Variants in SLC24A2 observed in about 807,000 individuals in gnomAD.
The protein encoded by SLC24A2 is solute carrier family 24 member 2.
SLC24A2 carries 36 observed loss-of-function variants against 62.0 expected under a neutral mutation model. That is an observed-to-expected ratio of 0.58 (90% CI 0.44 to 0.77). The LOEUF (loss-of-function observed/expected upper bound fraction) is 0.77, where lower values mean the gene tolerates loss of function less well. Among genes scored for constraint, SLC24A2 ranks in the 30% least tolerant of loss-of-function variants. The pLI, the probability that SLC24A2 is intolerant of heterozygous loss-of-function variation, is 0.00. For missense variants in SLC24A2, 846 were observed against 817.9 expected (o/e 1.03, Z -0.42); for synonymous variants, 358 against 294.0 (o/e 1.22, Z -2.23).
intron 2 of SLC24A2, among the ~76,000 whole-genome samples, chr9:19,652,469 G>C (rs1818829495): frequency 6.6e-6 from 1 of 152,156 alleles, no homozygotes; most frequent in African/African-American, 2.4e-5. Flanking sequence ...TAGAGAAAAA[G>C]GAGGTGTGAC....
At chr9:19,674,960 TC>T (rs752608430) in intron 2 of SLC24A2, among the ~76,000 whole-genome samples, 32 of 152,168 alleles carry the variant, frequency 2.1e-4, no homozygotes, top group Non-Finnish European at 4.1e-4. Flanking sequence ...GGATTGTTTT[TC>T]TGGTTCCTTC....
At chr9:19,578,900 T>C (rs1338776292) in intron 5 of SLC24A2, among the ~76,000 whole-genome samples, 1 of 152,176 alleles carries the variant, frequency 6.6e-6, no homozygotes, top group Non-Finnish European at 1.5e-5. Context: ...AAAGGCAATC[T>C]CTAGGCCATA....
chr9:20,221,512 A>G, the SLC24A2 span, among the ~76,000 whole-genome samples: 2 of 152,212 alleles, frequency 1.3e-5, no homozygotes, highest in Admixed American at 1.3e-4. Context: ...AAGGTATGAC[A>G]TAATAAGTTA....
chr9:19,964,386 A>AT, the SLC24A2 span, among the ~76,000 whole-genome samples: 223 of 152,108 alleles, frequency 1.5e-3, no homozygotes, highest in African/African-American at 3.2e-3. Flanking sequence ...AATAATAATA[A>AT]AAAAAGGAGT....
the SLC24A2 span, among the ~76,000 whole-genome samples, chr9:20,029,951 G>C: frequency 2.6e-5 from 4 of 152,164 alleles, no homozygotes; most frequent in Non-Finnish European, 5.9e-5. Context: ...TGGCAGCATA[G>C]AAAATGGGCC....
At chr9:19,809,135 G>T in the SLC24A2 span, among the ~76,000 whole-genome samples, 1 of 152,140 alleles carries the variant, frequency 6.6e-6, no homozygotes, top group Admixed American at 6.6e-5. Flanking sequence ...TTATGTACAT[G>T]TATAACTTTA....
chr9:19,584,455 G>A (rs1836304547), intron 5 of SLC24A2, among the ~76,000 whole-genome samples: 1 of 152,072 alleles, frequency 6.6e-6, no homozygotes, highest in South Asian at 2.1e-4. Flanking sequence ...GATGGTGGAG[G>A]CCTTCTTACG....
At chr9:19,842,632 AG>A in the SLC24A2 span, among the ~76,000 whole-genome samples, 4 of 152,200 alleles carry the variant, frequency 2.6e-5, no homozygotes, top group Non-Finnish European at 1.5e-5. Flanking sequence ...TTAGTCTCCA[AG>A]GGGGGGATGT....
the SLC24A2 span, among the ~76,000 whole-genome samples, chr9:19,948,946 T>C: frequency 6.6e-6 from 1 of 152,092 alleles, no homozygotes; most frequent in African/African-American, 2.4e-5. Flanking sequence ...ACTAACTCTC[T>C]TTGGGGTATG....
At chr9:19,950,577 A>G in the SLC24A2 span, among the ~76,000 whole-genome samples, 1 of 152,258 alleles carries the variant, frequency 6.6e-6, no homozygotes, top group African/African-American at 2.4e-5. Flanking sequence ...TAACCTTTGC[A>G]GTAACATGTA....
chr9:19,739,741 T>A (rs1361873407), intron 2 of SLC24A2, among the ~76,000 whole-genome samples: 1 of 152,182 alleles, frequency 6.6e-6, no homozygotes, highest in Non-Finnish European at 1.5e-5. Context: ...AATATCTTTA[T>A]GACATTGGGG....
intron 6 of SLC24A2, among the ~76,000 whole-genome samples, chr9:19,574,789 G>A (rs765510784): frequency 4.6e-5 from 7 of 151,988 alleles, no homozygotes; most frequent in Admixed American, 1.3e-4. Flanking sequence ...ACTTCATCGC[G>A]AGGGAAATTA....
chr9:20,240,565 T>A, the SLC24A2 span, among the ~76,000 whole-genome samples: 1 of 152,200 alleles, frequency 6.6e-6, no homozygotes, highest in African/African-American at 2.4e-5. Context: ...AGCAGCTTCC[T>A]TTTTAACTTG....
chr9:19,520,352 T>G (rs1023028323), intron 10 of SLC24A2, among the ~76,000 whole-genome samples: 15 of 152,242 alleles, frequency 9.9e-5, no homozygotes, highest in Non-Finnish European at 1.0e-4. Context: ...AGCTCATGTT[T>G]GCTTCATTAT....
At chr9:19,753,453 G>C (rs1158351873) in intron 2 of SLC24A2, among the ~76,000 whole-genome samples, 1 of 152,200 alleles carries the variant, frequency 6.6e-6, no homozygotes, top group Non-Finnish European at 1.5e-5. Flanking sequence ...TTCCCAAATA[G>C]TTTGTTCATT....
intron 2 of SLC24A2, among the ~76,000 whole-genome samples, chr9:19,642,488 G>A (rs1414963288): frequency 2.0e-5 from 3 of 151,956 alleles, no homozygotes; most frequent in African/African-American, 7.3e-5. Context: ...AAAATCACAG[G>A]GTCAATTTTC....
At chr9:19,631,873 T>C (rs2117992204) in intron 2 of SLC24A2, among the ~76,000 whole-genome samples, 1 of 152,294 alleles carries the variant, frequency 6.6e-6, no homozygotes, top group African/African-American at 2.4e-5. Context: ...AGCCAGTCTT[T>C]CTTTTGGTGG....
At chr9:20,174,850 G>A in the SLC24A2 span, among the ~76,000 whole-genome samples, 2 of 151,822 alleles carry the variant, frequency 1.3e-5, no homozygotes, top group African/African-American at 4.8e-5. Flanking sequence ...CCACTACTGG[G>A]TATCCACCTA....
the SLC24A2 span, among the ~76,000 whole-genome samples, chr9:20,259,030 G>A: frequency 1.3e-5 from 2 of 152,276 alleles, no homozygotes; most frequent in African/African-American, 4.8e-5. Context: ...GACAGAAGGA[G>A]AGAGTCAGAG....
Sources: allele counts gnomAD v4.1 joint callset (sites outside exome capture counted in the v4.1 genomes callset), GRCh38; gene constraint gnomAD v4.1.1; transcripts MANE v1.5; gene names NCBI Gene and HGNC (gene_info 2026-07-23, HGNC 2026-07-21).